GCNT1: variants seen among roughly 807,000 people sequenced by gnomAD.
The protein encoded by GCNT1 is glucosaminyl (N-acetyl) transferase 1.
In GCNT1, 16 loss-of-function variants were observed where a neutral mutation model predicts 26.2. The ratio of observed to expected loss-of-function variants is 0.61; its 90% CI spans 0.41 to 0.93. GCNT1 has a LOEUF of 0.93. Ranked by LOEUF, GCNT1 falls within the 40% of genes least tolerant of loss-of-function variation. The pLI is 0.00. For synonymous variants in GCNT1, 183 were observed against 190.8 expected, an observed-to-expected ratio of 0.96 and a Z score of 0.34; for missense variants, 477 against 526.7, an observed-to-expected ratio of 0.91 and a Z score of 0.92.
intron 2 of GCNT1, among the ~76,000 whole-genome samples, chr9:76,468,779 G>A (rs1040864580): frequency 6.6e-6 from 1 of 152,208 alleles, no homozygotes; most frequent in Non-Finnish European, 1.5e-5. Context: ...CAAGGTAAAT[G>A]TGAGGTTCTT....
Position 76,436,049 on chromosome 9 carries a change from G to A in GCNT1, n.38+16162G>A, listed in dbSNP as rs575405102. 6.1e-5 allele frequency among the ~76,000 whole-genome samples: 9 copies of A among 147,168 alleles called. No individual in the cohort carries two copies. The Admixed American group carries it at 6.3e-4, about 10-fold the overall frequency. On this transcript the variant is annotated intron_variant and non_coding_transcript_variant, in intron 1 of 3. Coordinates refer to the GCNT1 transcript ENST00000488136. Reference sequence around the variant, plus strand: ...CGGCTCACTACAACCTCTGCCTCCTGGGTTCAATTCTCCCTCCTCAGCCTC... The same window carrying A: ...CGGCTCACTACAACCTCTGCCTCCTAGGTTCAATTCTCCCTCCTCAGCCTC...
At chr9:76,403,248 C>T in the GCNT1 span, among the ~76,000 whole-genome samples, 2 of 152,158 alleles carry the variant, frequency 1.3e-5, no homozygotes, top group African/African-American at 4.8e-5. Context: ...CACTCCAAAT[C>T]AAGGGTGTGA....
At chr9:76,458,663 C>G (rs990516892), upstream of GCNT1, among the ~76,000 whole-genome samples, 5 of 152,046 alleles carry the variant, frequency 3.3e-5, no homozygotes, top group Non-Finnish European at 7.4e-5. Flanking sequence ...TCCTACTTTC[C>G]ACAGCACTGT....
In GCNT1 at chr9:76,503,534, G is replaced by A. The variant is rs199518053; in HGVS notation, c.1153G>A (p.Ala385Thr). The A allele has an allele frequency of 5.0e-6, 8 of 1,614,208 alleles. No homozygotes were observed. In the African/African-American group the frequency reaches 1.1e-4, roughly 22 times the overall value. The change falls in exon 4 of 4, where the codon GCT becomes ACT. Residue 385 changes from alanine (A) to threonine (T), a missense_variant. Transcript: ENST00000376730. The stretch of plus-strand genomic sequence containing the variant: ...TGTGCGCTCAGTGTGCATTTTCGGA[G>A]CTGGTGACTTGAACTGGATGCTGCG... ...VHVRSVCIFG[A>T]GDLNWMLRKH...
At chr9:76,402,201 T>G in the GCNT1 span, among the ~76,000 whole-genome samples, 1 of 152,180 alleles carries the variant, frequency 6.6e-6, no homozygotes, top group Non-Finnish European at 1.5e-5. Flanking sequence ...TGTATCTGCT[T>G]CCTCCCACTT....
chr9:76,432,519 T>G (rs1823349906), intron 1 of GCNT1, among the ~76,000 whole-genome samples: 1 of 151,834 alleles, frequency 6.6e-6, no homozygotes, highest in East Asian at 1.9e-4. Context: ...TTTGTATTTT[T>G]TATAGAGACA....
Position 76,502,828 on chromosome 9 carries a change from C to T in GCNT1, c.447C>T (p.Phe149=), listed in dbSNP as rs1043099556. The T allele has an allele frequency of 6.2e-7, 1 of 1,613,966 alleles. No individual in the cohort carries two copies. Among genetic ancestry groups the T allele is most frequent in the Non-Finnish European group, 8.5e-7 (1 of 1,179,972 alleles). ...GGGCCATCTATATGCCTCAGAATTT[C>T]TATTGCATTCATGTGGACACAAAAT... ...LLRAIYMPQN[F]YCIHVDTKSE... is the part of the protein sequence containing the mutation. Residue 149 remains phenylalanine, a synonymous_variant, in exon 4 of 4, where the codon TTC becomes TTT. Transcript: ENST00000376730.
chr9:76,448,805 T>G (rs1355403959), intron 1 of GCNT1, among the ~76,000 whole-genome samples: 1 of 152,228 alleles, frequency 6.6e-6, no homozygotes, highest in African/African-American at 2.4e-5. Context: ...TTTTGCTTTC[T>G]TAAATGTCAT....
intron 2 of GCNT1, among the ~76,000 whole-genome samples, chr9:76,466,218 A>G (rs1411398233): frequency 6.6e-6 from 1 of 152,220 alleles, no homozygotes; most frequent in Non-Finnish European, 1.5e-5. Context: ...CATGCAGGGC[A>G]GGGAGGAAAT....
At chr9:76,448,985 T>G (rs2131585922) in intron 1 of GCNT1, among the ~76,000 whole-genome samples, 1 of 152,320 alleles carries the variant, frequency 6.6e-6, no homozygotes, top group Non-Finnish European at 1.5e-5. Flanking sequence ...TATTTTATGT[T>G]TTTCCAAAAT....
chr9:76,443,894 A>AAGAAAGGAAGAAAGG (rs1823522200), intron 1 of GCNT1, among the ~76,000 whole-genome samples: 1 of 127,298 alleles, frequency 7.9e-6, no homozygotes, highest in Non-Finnish European at 1.6e-5. Flanking sequence ...AGAAAGAAAG[A>AAGAAAGGAAGAAAGG]AAGAAAGGAA....
chr9:76,396,327 C>A, the GCNT1 span, among the ~76,000 whole-genome samples: 1 of 152,154 alleles, frequency 6.6e-6, no homozygotes, highest in African/African-American at 2.4e-5. Context: ...TGGTGGCTTA[C>A]GCCTGTAATC....
chr9:76,488,579 G>A (rs1824644997), intron 2 of GCNT1, among the ~76,000 whole-genome samples: 1 of 152,200 alleles, frequency 6.6e-6, no homozygotes, highest in East Asian at 1.9e-4. Context: ...CTTCCTCCTG[G>A]GTTCAAGCGA....
At chr9:76,475,817 A>G (rs893765704) in intron 2 of GCNT1, among the ~76,000 whole-genome samples, 5 of 152,232 alleles carry the variant, frequency 3.3e-5, no homozygotes, top group African/African-American at 1.2e-4. Flanking sequence ...TCCATTTTTC[A>G]GATGAGGAAA....
intron 3 of GCNT1, 178 bp from the exon 4 acceptor site, chr9:76,502,061 T>C (rs1983829): frequency 0.39 from 60,150 of 153,842 alleles, 12,288 homozygotes; most frequent in East Asian, 0.64. Context: ...ACTACTACAA[T>C]TTATCCTCTG....
At chr9:76,426,019 G>A (rs918598990) in intron 1 of GCNT1, among the ~76,000 whole-genome samples, 2 of 152,202 alleles carry the variant, frequency 1.3e-5, no homozygotes, top group Non-Finnish European at 2.9e-5. Flanking sequence ...TCAGAATCTT[G>A]TAGCCTCTAG....
intron 1 of GCNT1, among the ~76,000 whole-genome samples, chr9:76,432,698 C>A (rs1196298556): frequency 6.6e-6 from 1 of 152,128 alleles, no homozygotes; most frequent in Non-Finnish European, 1.5e-5. Flanking sequence ...AATGACTAGG[C>A]AGATGGGGTG....
In GCNT1 at chr9:76,503,933, AAG is replaced by A. The variant is rs1825164602; in HGVS notation, c.*268_*269del. ...AGAGCAGGTAGCAAGGCATTGTGGA[AAG>A]AGGGGACCAGGGTGGCTGGGGAAGA... On this transcript the variant is annotated 3_prime_UTR_variant, in exon 4 of 4. Transcript: ENST00000376730. The A allele has an allele frequency of 4.3e-6, 2 of 464,804 alleles. No homozygotes were observed. Among genetic ancestry groups the A allele is most frequent in the Non-Finnish European group, 8.2e-6 (2 of 245,398 alleles). 28.8% of individuals were successfully genotyped at this position (464,804 alleles called of 1,614,324 possible).
At chr9:76,500,263 G>T (rs1368120709) in intron 2 of GCNT1, among the ~76,000 whole-genome samples, 2 of 152,038 alleles carry the variant, frequency 1.3e-5, no homozygotes, top group African/African-American at 4.8e-5. Flanking sequence ...TGGACCAGTT[G>T]TCTAAAGTTT....
Sources: gnomAD v4.1 joint callset for allele counts (sites outside exome capture counted in the v4.1 genomes callset) on GRCh38, gnomAD v4.1.1 for gene constraint, MANE v1.5 for transcripts, NCBI Gene and HGNC (gene_info 2026-07-23, HGNC 2026-07-21) for gene names.